The following C1QTNF2 variants were observed in gnomAD, a reference collection of about 807,000 sequenced individuals.
The protein encoded by C1QTNF2 is C1q and TNF related 2, also known as complement C1q tumor necrosis factor-related protein 2.
Under a neutral mutation model 17.4 loss-of-function variants are expected in C1QTNF2, and 15 were observed. The observed-to-expected ratio is 0.86, with a 90% CI of 0.58 to 1.33. The LOEUF (loss-of-function observed/expected upper bound fraction) is 1.33, where lower values mean the gene tolerates loss of function less well. C1QTNF2 is among the 40% of genes most tolerant of loss of function. C1QTNF2 has a pLI of 0.00. For synonymous variants in C1QTNF2, 154 were observed against 163.3 expected, an observed-to-expected ratio of 0.94 and a Z score of 0.44; for missense variants, 381 against 392.3, an observed-to-expected ratio of 0.97 and a Z score of 0.24.
intron 2 of C1QTNF2, among the ~76,000 whole-genome samples, chr5:160,350,664 T>C (rs1390207572): frequency 6.6e-6 from 1 of 152,138 alleles, no homozygotes; most frequent in African/African-American, 2.4e-5. Context: ...ATTGTGTCAC[T>C]GCATTCCAGC....
chr5:160,363,502 C>T (rs1178085408), intron 1 of C1QTNF2, among the ~76,000 whole-genome samples: 1 of 152,236 alleles, frequency 6.6e-6, no homozygotes, highest in African/African-American at 2.4e-5. Flanking sequence ...TCCAAGGACA[C>T]ATCATGATCT....
chr5:160,358,233 A>G (rs111743374), intron 1 of C1QTNF2, among the ~76,000 whole-genome samples: 1 of 152,330 alleles, frequency 6.6e-6, no homozygotes, highest in African/African-American at 2.4e-5. Context: ...CGGGGAGACT[A>G]GATTCTAGTT....
rs1054197627 is a variant in C1QTNF2 at position 160,348,638 on chromosome 5, C to T, written c.*530G>A. 6.5e-6 allele frequency: 1 copy of T among 153,514 alleles called. No individual in the cohort carries two copies. The highest frequency in any genetic ancestry group is 2.4e-5 in the African/African-American group (1 of 41,438). 9.5% of individuals were successfully genotyped at this position (153,514 alleles called of 1,614,324 possible). Reference sequence around the variant, plus strand: ...TGGAAATAGCTTGTTCTTTGATCTACATGGAGGTTTCAGAGTGTGCACATA... The same window carrying T: ...TGGAAATAGCTTGTTCTTTGATCTATATGGAGGTTTCAGAGTGTGCACATA... On this transcript the variant is annotated 3_prime_UTR_variant, in exon 3 of 3. Transcript: ENST00000652664.
chr5:160,366,786 G>T (rs1436262218), intron 1 of C1QTNF2, among the ~76,000 whole-genome samples: 1 of 151,812 alleles, frequency 6.6e-6, no homozygotes, highest in Non-Finnish European at 1.5e-5. Context: ...CACTTTTGGA[G>T]GCCAAAGCAG....
chr5:160,369,042 T>C (rs772485297), intron 1 of C1QTNF2, among the ~76,000 whole-genome samples: 1 of 132,114 alleles, frequency 7.6e-6, no homozygotes, highest in Non-Finnish European at 1.6e-5. Flanking sequence ...GAATGTAAAG[T>C]ATGCTTCTCT....
intron 1 of C1QTNF2, 120 bp downstream of exon 1, chr5:160,370,392 G>C: frequency 7.9e-7 from 1 of 1,273,204 alleles, no homozygotes; most frequent in Non-Finnish European, 1.0e-6. Context: ...CGCAATAAAG[G>C]CGCGCTGGCA....
In C1QTNF2 at chr5:160,348,221, A is replaced by T. The variant is rs1763838508; in HGVS notation, c.*947T>A. On this transcript the variant is annotated 3_prime_UTR_variant, in exon 3 of 3. Transcript: ENST00000652664. ...TCCTGGTGTATCTCATTCATTGAGA[A>T]GCGGGCCTGCAAAAGATTAACTAAT... is the stretch of plus-strand genomic sequence containing the variant. 1 of 152,194 alleles carries T rather than the reference A, an allele frequency of 6.6e-6. No homozygotes were observed. The highest frequency in any genetic ancestry group is 2.4e-5 in the African/African-American group (1 of 41,440). 9.4% of individuals were successfully genotyped at this position (152,194 alleles called of 1,614,324 possible).
chr5:160,356,556 G>T (rs1290115955), intron 1 of C1QTNF2, among the ~76,000 whole-genome samples: 1 of 152,192 alleles, frequency 6.6e-6, no homozygotes, highest in Non-Finnish European at 1.5e-5. Context: ...GGTCTCTAGG[G>T]TCTCTTCTAG....
In C1QTNF2 at chr5:160,354,982, G is replaced by T; in HGVS notation, c.30C>A (p.Ala10=). The T allele has an allele frequency of 6.3e-7, 1 of 1,589,256 alleles. No homozygotes were observed. The highest frequency in any genetic ancestry group is 8.6e-7 in the Non-Finnish European group (1 of 1,168,864). Residue 10 remains alanine (A), a synonymous_variant, in exon 2 of 3, where the codon GCC becomes GCA. Coordinates refer to ENST00000652664, the MANE Select transcript of C1QTNF2 (RefSeq NM_031908.6). MIPWVLLAC[A]LPCAADPLLG... is the part of the protein sequence containing the mutation. ...GCAGTGGGTCAGCAGCACAGGGGAG[G>T]GCACAGGCCAGGAGCACCCAGGGGA...
intron 1 of C1QTNF2, among the ~76,000 whole-genome samples, chr5:160,369,109 G>A (rs1361503256): frequency 6.6e-6 from 1 of 152,002 alleles, no homozygotes; most frequent in African/African-American, 2.4e-5. Flanking sequence ...TGTACAGAAG[G>A]GTTGGGGAAA....
Position 160,349,192 on chromosome 5 carries a change from G to T in C1QTNF2, c.834C>A (p.Asp278Glu). The T allele has an allele frequency of 2.5e-6, 4 of 1,613,680 alleles. No homozygotes were observed. Among genetic ancestry groups the T allele is most frequent in the Non-Finnish European group, 3.4e-6 (4 of 1,179,732 alleles). Reference protein sequence around the residue: ...SLFTGFLIYADQDDPNEV With the variant: ...SLFTGFLIYAEQDDPNEV ...TCTATACCTCGTTGGGGTCATCCTG[G>T]TCGGCATAGATTAGGAAGCCCGTAA... Residue 278 changes from aspartate (D) to glutamate (E), a missense_variant, in exon 3 of 3, where the codon GAC becomes GAA. Physicochemically the swap from Asp to Glu is conservative, Grantham distance 45. Transcript: ENST00000652664. The surrounding 1 kb of genome is among the most constrained non-coding windows in gnomAD (Gnocchi z 4.3).
At chr5:160,355,181 G>C in intron 1 of C1QTNF2, 161 bp from the exon 2 acceptor site, 4 of 979,970 alleles carry the variant, frequency 4.1e-6, no homozygotes, top group Non-Finnish European at 4.8e-6. Context: ...GATGTGGACA[G>C]AGTCGTCATA....
At position 160,370,533 on chromosome 5, in the gene C1QTNF2, C is replaced by A; in HGVS notation, c.-31G>T. 1 of 1,491,542 alleles carries A rather than the reference C, an allele frequency of 6.7e-7. No homozygotes were observed. 92.4% of individuals were successfully genotyped at this position (1,491,542 alleles called of 1,614,324 possible). The stretch of plus-strand genomic sequence containing the variant: ...TCACCCTCGCGGCTGCCCGCCACGT[C>A]CAGGGGCGTCCGGAGCAAAGAAGCT... On this transcript the variant is annotated 5_prime_UTR_variant, in exon 1 of 3. Coordinates refer to ENST00000652664, the MANE Select transcript of C1QTNF2 (RefSeq NM_031908.6).
intron 1 of C1QTNF2, among the ~76,000 whole-genome samples, chr5:160,356,691 C>T (rs932017226): frequency 6.6e-5 from 10 of 152,190 alleles, no homozygotes; most frequent in African/African-American, 2.2e-4. Context: ...GGGGGATCCT[C>T]GGCAGCTGTG....
Position 160,354,948 on chromosome 5 carries a change from AG to A in C1QTNF2, c.63del (p.Phe22LeufsTer35), listed in dbSNP as rs1318913611. 6.3e-7 allele frequency: 1 copy of A among 1,595,628 alleles called. No homozygotes were observed. Among genetic ancestry groups the A allele is most frequent in the Admixed American group, 1.8e-5 (1 of 56,166 alleles). On this transcript the variant is annotated frameshift_variant, in exon 2 of 3. Coordinates refer to ENST00000652664, the MANE Select transcript of C1QTNF2 (RefSeq NM_031908.6). LOFTEE classifies it high-confidence loss of function. ...LPCAADPLLG[A>X]FARRDFRKGS... ...CCTTTCCGGAAGTCCCTGCGAGCAA[AG>A]GCGCCAAGCAGTGGGTCAGCAGCAC...
rs144393919 is a variant in C1QTNF2 at position 160,348,188 on chromosome 5, C to T, written c.*980G>A. 137 of 152,286 alleles carry T rather than the reference C, an allele frequency of 9.0e-4. 3 individuals carry two copies. Among genetic ancestry groups the T allele is most frequent in the African/African-American group, 3.1e-3 (127 of 41,562 alleles). The allele number at this position is 152,286 out of a possible 1,614,324, so 9.4% of individuals were successfully genotyped here. A position where few individuals can be genotyped will look rare whatever the true frequency, so the allele number is the denominator to read the frequency against. On this transcript the variant is annotated 3_prime_UTR_variant, in exon 3 of 3. Transcript: ENST00000652664. ...CTCAGAGCAGCGGTTCTCAGATGCA[C>T]GTGCATATCCTGGTGTATCTCATTC...
intron 1 of C1QTNF2, among the ~76,000 whole-genome samples, chr5:160,358,889 T>C (rs2113522247): frequency 6.6e-6 from 1 of 152,210 alleles, no homozygotes; most frequent in South Asian, 2.1e-4. Context: ...CAAGTGTTTC[T>C]CCCTCCTCAG....
At chr5:160,354,595 AAAGTATAT>A (rs1157403989) in intron 2 of C1QTNF2, among the ~76,000 whole-genome samples, 165 bp downstream of exon 2, 2,671 of 32,700 alleles carry the variant, frequency 0.082, 90 homozygotes, top group Middle Eastern at 0.21. Context: ...AAAAAAAAAA[AAAGTATAT>A]ATATATATAT....
At chr5:160,363,937 C>T (rs1390481813) in intron 1 of C1QTNF2, among the ~76,000 whole-genome samples, 2 of 152,184 alleles carry the variant, frequency 1.3e-5, no homozygotes, top group Non-Finnish European at 2.9e-5. Flanking sequence ...CTCCACGTGC[C>T]TGACCACAGC....
Sources: gnomAD v4.1 joint callset for allele counts (sites outside exome capture counted in the v4.1 genomes callset) on GRCh38, gnomAD v4.1.1 for gene constraint, Gnocchi (gnomAD v3.1) non-coding constraint, MANE v1.5 for transcripts, NCBI Gene and HGNC (gene_info 2026-07-23, HGNC 2026-07-21) for gene names.